The following ARPP21 variants were observed in gnomAD, a reference collection of about 807,000 sequenced individuals.
The protein encoded by ARPP21 is cAMP-regulated phosphoprotein 21.
In ARPP21, 69 loss-of-function variants were observed where a neutral mutation model predicts 113.2. The ratio of observed to expected loss-of-function variants is 0.61; its 90% CI spans 0.50 to 0.74. The LOEUF is 0.74. ARPP21 is among the 30% of genes least tolerant of loss of function. The pLI is 0.00. For synonymous variants in ARPP21, 368 were observed against 375.5 expected (o/e 0.98, Z 0.23); for missense variants, 1,070 against 1,037.4 (o/e 1.03, Z -0.43).
upstream of ARPP21, among the ~76,000 whole-genome samples, chr3:35,639,193 T>C (rs749249701): frequency 5.3e-5 from 8 of 152,024 alleles, no homozygotes; most frequent in Non-Finnish European, 8.8e-5. The surrounding 1 kb of genome is among the most constrained non-coding windows in gnomAD (Gnocchi z 5.0). Flanking sequence ...TCTCCAGCCT[T>C]AGGGCTGGCG....
intron 19 of ARPP21, among the ~76,000 whole-genome samples, chr3:35,791,595 C>T (rs1347517230): frequency 6.6e-6 from 1 of 152,008 alleles, no homozygotes; most frequent in Non-Finnish European, 1.5e-5. Context: ...TAGAATAAAT[C>T]AATTCTGGCC....
chr3:35,665,302 T>C (rs2074053945), intron 1 of ARPP21, among the ~76,000 whole-genome samples: 1 of 152,004 alleles, frequency 6.6e-6, no homozygotes, highest in African/African-American at 2.4e-5. Flanking sequence ...TTTTTTAATA[T>C]GATAACAAGA....
intron 19 of ARPP21, among the ~76,000 whole-genome samples, chr3:35,786,764 A>G (rs1312484398): frequency 1.3e-5 from 2 of 151,774 alleles, no homozygotes; most frequent in African/African-American, 4.8e-5. Flanking sequence ...GTGCCCGAGG[A>G]CCCCTGGTTC....
intron 9 of ARPP21, among the ~76,000 whole-genome samples, chr3:35,696,049 A>G (rs1431993811): frequency 2.0e-5 from 3 of 151,520 alleles, no homozygotes; most frequent in Admixed American, 1.3e-4. Context: ...CAATGACAGT[A>G]GGAGGCTACA....
At chr3:35,723,821 G>C (rs1021576167) in intron 14 of ARPP21, among the ~76,000 whole-genome samples, 1 of 152,134 alleles carries the variant, frequency 6.6e-6, no homozygotes, top group African/African-American at 2.4e-5. Flanking sequence ...TTTAATCTAA[G>C]TGTCTCCATT....
chr3:35,770,779 A>G (rs566074261), intron 19 of ARPP21, among the ~76,000 whole-genome samples: 2 of 152,314 alleles, frequency 1.3e-5, no homozygotes, highest in East Asian at 1.9e-4. Flanking sequence ...TTATGCCCTA[A>G]TCAACAGTTT....
chr3:35,731,037 C>G (rs1033372976), intron 15 of ARPP21, among the ~76,000 whole-genome samples: 3 of 152,174 alleles, frequency 2.0e-5, no homozygotes, highest in Admixed American at 6.5e-5. Context: ...ACTTTGGGCA[C>G]TAATCAAAGT....
At chr3:35,743,540 G>T (rs540812597) in intron 18 of ARPP21, among the ~76,000 whole-genome samples, 1 of 152,270 alleles carries the variant, frequency 6.6e-6, no homozygotes, top group African/African-American at 2.4e-5. Context: ...TGGGTTCCCC[G>T]CCTACAGACG....
chr3:35,696,327 C>A (rs1310201741), intron 9 of ARPP21, among the ~76,000 whole-genome samples: 1 of 151,550 alleles, frequency 6.6e-6, no homozygotes, highest in Non-Finnish European at 1.5e-5. Context: ...AAACTGATGC[C>A]TTTAGAGAAT....
chr3:35,721,936 G>A (rs1334162200), intron 14 of ARPP21, 102 bp downstream of exon 14: 2 of 703,720 alleles, frequency 2.8e-6, no homozygotes, highest in Non-Finnish European at 4.7e-6. Flanking sequence ...TGATAATGAT[G>A]ATATTAATCA....
chr3:35,707,833 A>G (rs887924902), intron 10 of ARPP21, among the ~76,000 whole-genome samples: 1 of 152,010 alleles, frequency 6.6e-6, no homozygotes, highest in Non-Finnish European at 1.5e-5. Flanking sequence ...GGTGATTAGA[A>G]GAAAGCTAAG....
chr3:35,674,238 T>C (rs2076977349), intron 1 of ARPP21, among the ~76,000 whole-genome samples: 1 of 151,918 alleles, frequency 6.6e-6, no homozygotes, highest in Admixed American at 6.6e-5. Flanking sequence ...TAGGAGATCA[T>C]AGAACAGTGA....
chr3:35,779,090 T>TA (rs1268601816), intron 19 of ARPP21, among the ~76,000 whole-genome samples: 1 of 152,218 alleles, frequency 6.6e-6, no homozygotes, highest in African/African-American at 2.4e-5. Context: ...CCAAAACTTA[T>TA]ATTTTCTTTC....
intron 1 of ARPP21, among the ~76,000 whole-genome samples, chr3:35,676,292 G>A (rs748635410): frequency 6.6e-6 from 1 of 151,772 alleles, no homozygotes; most frequent in Non-Finnish European, 1.5e-5. Flanking sequence ...TCCACTTTTG[G>A]CATTCTGCTA....
intron 15 of ARPP21, among the ~76,000 whole-genome samples, chr3:35,736,637 G>A (rs941913832): frequency 6.6e-6 from 1 of 152,030 alleles, no homozygotes; most frequent in Non-Finnish European, 1.5e-5. Context: ...TGTCTATTTC[G>A]AGAAATGAGT....
At chr3:35,687,924 A>G in intron 6 of ARPP21, 41 bp downstream of exon 6, 1 of 1,552,706 alleles carries the variant, frequency 6.4e-7, no homozygotes, top group Non-Finnish European at 8.7e-7. Context: ...CAATTTGGGC[A>G]CACACATAGT....
chr3:35,661,293 T>C (rs1256352235), intron 1 of ARPP21, among the ~76,000 whole-genome samples: 1 of 152,168 alleles, frequency 6.6e-6, no homozygotes, highest in Non-Finnish European at 1.5e-5. Context: ...AAATCAGTTA[T>C]TGAGCTATAT....
At chr3:35,746,315 C>G (rs902921947) in intron 19 of ARPP21, among the ~76,000 whole-genome samples, 5 of 152,152 alleles carry the variant, frequency 3.3e-5, no homozygotes, top group African/African-American at 1.2e-4. Flanking sequence ...TGCACAGAGG[C>G]TCTGGGTCCT....
intron 19 of ARPP21, among the ~76,000 whole-genome samples, chr3:35,775,500 C>T (rs2096334836): frequency 6.6e-6 from 1 of 151,996 alleles, no homozygotes; most frequent in Non-Finnish European, 1.5e-5. Flanking sequence ...AGTTACTGTA[C>T]AATTTACCAT....
Sources: allele counts gnomAD v4.1 joint callset (sites outside exome capture counted in the v4.1 genomes callset), GRCh38; gene constraint gnomAD v4.1.1; non-coding constraint Gnocchi (gnomAD v3.1); transcripts MANE v1.5; gene names NCBI Gene and HGNC (gene_info 2026-07-23, HGNC 2026-07-21).